The following INPP5F variants were observed in gnomAD, a reference collection of about 807,000 sequenced individuals.
INPP5F encodes phosphatidylinositide 4-phosphatase SAC2.
Under a neutral mutation model 137.2 loss-of-function variants are expected in INPP5F, and 97 were observed. The observed-to-expected ratio is 0.71, with a 90% confidence interval of 0.60 to 0.84. INPP5F has a LOEUF of 0.84. Ranked by LOEUF, INPP5F falls within the 40% of genes least tolerant of loss-of-function variation. The pLI is 0.00. For missense variants in INPP5F, 1,271 were observed against 1,371.9 expected, an observed-to-expected ratio of 0.93 and a Z score of 1.16; for synonymous variants, 504 against 476.9, an observed-to-expected ratio of 1.06 and a Z score of -0.74.
intron 15 of INPP5F, among the ~76,000 whole-genome samples, chr10:119,818,496 C>T (rs1279904331): frequency 6.6e-6 from 1 of 152,268 alleles, no homozygotes; most frequent in Non-Finnish European, 1.5e-5. Flanking sequence ...GCCGCAGGCA[C>T]TGTCCCTGAC....
chr10:119,726,225 C>T lies in INPP5F; in HGVS notation c.-38C>T, dbSNP rs1364799111. ...ACCGACTAGGACGCCCCGTGCGCCG[C>T]CCGCGGGCCGCCGCCTCCCTGGGCG... On this transcript the variant is annotated 5_prime_UTR_variant, in exon 1 of 20. Coordinates refer to ENST00000650623, the MANE Select transcript of INPP5F (RefSeq NM_014937.4). The T allele has an allele frequency of 1.5e-6, 2 of 1,366,320 alleles. No homozygotes were observed. The highest frequency in any genetic ancestry group is 2.9e-5 in the South Asian group (2 of 68,286). The allele number at this position is 1,366,320 out of a possible 1,614,324, so 84.6% of individuals were successfully genotyped here.
chr10:119,736,276 T>A (rs764699047), intron 1 of INPP5F, among the ~76,000 whole-genome samples: 2 of 152,238 alleles, frequency 1.3e-5, no homozygotes, highest in Non-Finnish European at 2.9e-5. Context: ...CTTAAGGTAA[T>A]GAGTTTGGAA....
intron 18 of INPP5F, 24 bp from the exon 19 acceptor site, chr10:119,823,791 C>G: frequency 6.3e-7 from 1 of 1,580,752 alleles, no homozygotes; most frequent in Non-Finnish European, 8.7e-7. Context: ...GAGAAATTGG[C>G]AGGCAGTTAT....
At chr10:119,823,731 C>A in intron 18 of INPP5F, 84 bp from the exon 19 acceptor site, 1 of 954,184 alleles carries the variant, frequency 1.0e-6, no homozygotes, top group Non-Finnish European at 1.5e-6. Context: ...CGACAAATTT[C>A]ATTCAGCGCT....
At chr10:119,741,608 C>T (rs754531208) in intron 1 of INPP5F, among the ~76,000 whole-genome samples, 2 of 152,182 alleles carry the variant, frequency 1.3e-5, no homozygotes, top group Non-Finnish European at 2.9e-5. Flanking sequence ...GATCTTGGCT[C>T]ATTGCAACCT....
At chr10:119,783,630 T>C (rs1390300466) in intron 3 of INPP5F, among the ~76,000 whole-genome samples, 1 of 152,224 alleles carries the variant, frequency 6.6e-6, no homozygotes, top group East Asian at 1.9e-4. Flanking sequence ...CTTTAGGAAC[T>C]AACATTTACA....
intron 2 of INPP5F, among the ~76,000 whole-genome samples, chr10:119,755,995 G>A (rs754397304): frequency 9.2e-5 from 14 of 151,592 alleles, no homozygotes; most frequent in Admixed American, 3.3e-4. Flanking sequence ...ATATCTACTA[G>A]AAATACAAAA....
rs761213023 is a variant in INPP5F at position 119,726,302 on chromosome 10, C to T, written c.40C>T (p.Gln14Ter). 1 of 1,489,600 alleles carries T rather than the reference C, an allele frequency of 6.7e-7. No individual in the cohort carries two copies. The highest frequency in any genetic ancestry group is 1.3e-5 in the South Asian group (1 of 78,890). The allele number at this position is 1,489,600 out of a possible 1,614,324, so 92.3% of individuals were successfully genotyped here. Residue 14 changes from glutamine to a stop codon, truncating the protein, a stop_gained, in exon 1 of 20, where the codon CAG becomes TAG. Coordinates refer to ENST00000650623, the MANE Select transcript of INPP5F (RefSeq NM_014937.4). LOFTEE classifies it high-confidence loss of function. ...FQAKDHYILQ[Q>*]GERALWCSRR... The stretch of plus-strand genomic sequence containing the variant: ...AGCCAAGGACCACTACATCCTGCAG[C>T]AGGGCGAGCGCGCGCTGTGGTGCAG...
Position 119,827,522 on chromosome 10 carries a change from T to G in INPP5F, c.3141T>G (p.Leu1047=). The G allele has an allele frequency of 6.2e-7, 1 of 1,614,042 alleles. No homozygotes were observed. The highest frequency in any genetic ancestry group is 8.5e-7 in the Non-Finnish European group (1 of 1,179,954). Residue 1047 remains leucine (L), a synonymous_variant, in exon 20 of 20, where the codon CTT becomes CTG. Coordinates refer to ENST00000650623, the MANE Select transcript of INPP5F (RefSeq NM_014937.4). ...CCCCCACCTCCGCTTCCAGCATGCT[T>G]GAACTTGAGACAGGGCTTCATGTAA... ...QKTPTSASSM[L]ELETGLHVTP...
chr10:119,752,931 G>GT (rs1207494735), intron 2 of INPP5F, among the ~76,000 whole-genome samples: 1 of 149,992 alleles, frequency 6.7e-6, no homozygotes, highest in East Asian at 1.9e-4. Context: ...GGGTAATTGA[G>GT]TTGTTTCTTT....
intron 2 of INPP5F, among the ~76,000 whole-genome samples, chr10:119,762,685 T>C (rs1849043200): frequency 6.6e-6 from 1 of 152,192 alleles, no homozygotes; most frequent in Non-Finnish European, 1.5e-5. Context: ...TATATGGAAA[T>C]ATTAATACTA....
At chr10:119,809,960 A>G in intron 13 of INPP5F, 140 bp from the exon 14 acceptor site, 1 of 599,628 alleles carries the variant, frequency 1.7e-6, no homozygotes, top group Admixed American at 3.0e-5. Context: ...ATTTAACTAT[A>G]CTATTTGAAA....
At position 119,813,017 on chromosome 10, in the gene INPP5F, A is replaced by T. The variant is rs1393162945; in HGVS notation, c.1886+1062A>T. Among the ~76,000 whole-genome samples, 3 of 152,044 alleles carry T rather than the reference A, an allele frequency of 2.0e-5. 1 individual carries two copies. Among genetic ancestry groups the T allele is most frequent in the African/African-American group, 7.2e-5 (3 of 41,402 alleles). On this transcript the variant is annotated intron_variant, in intron 15 of 19. Transcript: ENST00000650623. ...TTTTAACTGCACTTAGATTTTTAAG[A>T]GGGTATCAATATCATGATTGTCAAT...
In INPP5F at chr10:119,762,554, C is replaced by G. The variant is rs551053324; in HGVS notation, c.178+11398C>G. ...TGTAGGTTCCACATCTGCAGATGGA[C>G]AATATTCAGGAGAAAAACCCAATAA... On this transcript the variant is annotated intron_variant, in intron 2 of 19. Coordinates refer to ENST00000650623, the MANE Select transcript of INPP5F (RefSeq NM_014937.4). Among the ~76,000 whole-genome samples the G allele has an allele frequency of 3.3e-5, 5 of 152,034 alleles. No individual in the cohort carries two copies. In the East Asian group the frequency reaches 9.6e-4, roughly 29 times the overall value.
Position 119,785,286 on chromosome 10 carries a change from GT to G in INPP5F, c.315+3531del, listed in dbSNP as rs71019717. ...TAACCTTTTGTGGAACTGCCAGACTGTTTTTTTTTTTTTTTTGGAGACGGAG... is the reference window on the plus strand; with the variant it reads ...TAACCTTTTGTGGAACTGCCAGACTGTTTTTTTTTTTTTTTGGAGACGGAG... On this transcript the variant is annotated intron_variant, in intron 3 of 19. Transcript: ENST00000650623. Among the ~76,000 whole-genome samples, 227 of 106,232 alleles carry G rather than the reference GT, an allele frequency of 2.1e-3. 5 individuals are homozygous for G. The highest frequency in any genetic ancestry group is 5.6e-3 in the African/African-American group (150 of 26,800). The allele number at this position is 106,232 out of a possible 152,430, so 69.7% of individuals were successfully genotyped here. A position where few individuals can be genotyped will look rare whatever the true frequency, so the allele number is the denominator to read the frequency against.
At chr10:119,755,196 A>G (rs1220608590) in intron 2 of INPP5F, among the ~76,000 whole-genome samples, 2 of 152,252 alleles carry the variant, frequency 1.3e-5, no homozygotes, top group Admixed American at 6.5e-5. Flanking sequence ...TTGCTGTCAT[A>G]GCAAAGTGCC....
In INPP5F at chr10:119,774,236, T is replaced by TG. The variant is rs1295678402; in HGVS notation, c.179-7397dup. Among the ~76,000 whole-genome samples, 9 of 121,060 alleles carry TG rather than the reference T, an allele frequency of 7.4e-5. No individual in the cohort carries two copies. In the Admixed American group the frequency reaches 1.0e-3, roughly 14 times the overall value. 79.4% of individuals were successfully genotyped at this position (121,060 alleles called of 152,430 possible). The stretch of plus-strand genomic sequence containing the variant: ...GAGATCACGCCACTGTACTCCAGCC[T>TG]GGCGACAGAGGGAGACTCAGTCTCC... On this transcript the variant is annotated intron_variant, in intron 2 of 19. Transcript: ENST00000650623.
Position 119,821,956 on chromosome 10 carries a change from C to T in INPP5F, c.1959-475C>T, listed in dbSNP as rs1287873528. On this transcript the variant is annotated intron_variant, in intron 16 of 19. Coordinates refer to ENST00000650623, the MANE Select transcript of INPP5F (RefSeq NM_014937.4). ...TGATCTCTGCTCACTGCAACCTCCG[C>T]CTCTCGGGTTCAAGTGATTCTCCTC... Among the ~76,000 whole-genome samples the T allele has an allele frequency of 5.3e-5, 8 of 150,850 alleles. No homozygotes were observed. In the South Asian group the frequency reaches 1.7e-3, roughly 32 times the overall value.
chr10:119,747,218 C>G (rs934364946), intron 1 of INPP5F, among the ~76,000 whole-genome samples: 9 of 151,932 alleles, frequency 5.9e-5, no homozygotes, highest in South Asian at 2.1e-4. Context: ...ATTTTTAACT[C>G]AAAATTATTA....
Sources: allele counts gnomAD v4.1 joint callset (sites outside exome capture counted in the v4.1 genomes callset), GRCh38; gene constraint gnomAD v4.1.1; transcripts MANE v1.5; gene names NCBI Gene and HGNC (gene_info 2026-07-23, HGNC 2026-07-21).